KLHDC1: variants seen among roughly 807,000 people sequenced by gnomAD.
The protein encoded by KLHDC1 is kelch domain containing 1, also known as kelch domain-containing protein 1.
Under a neutral mutation model 68.3 loss-of-function variants are expected in KLHDC1, and 53 were observed. That is an observed-to-expected ratio of 0.78 (90% CI 0.62 to 0.98). The LOEUF (loss-of-function observed/expected upper bound fraction) is 0.98, where lower values mean the gene tolerates loss of function less well. Among genes scored for constraint, KLHDC1 ranks in the 50% least tolerant of loss-of-function variants. The probability of loss-of-function intolerance (pLI) is 0.00; values close to 1 mark genes in which losing one functional copy is unlikely to be tolerated. For synonymous variants in KLHDC1, 148 were observed against 159.0 expected, an observed-to-expected ratio of 0.93 and a Z score of 0.52; for missense variants, 470 against 492.3, an observed-to-expected ratio of 0.95 and a Z score of 0.43.
chr14:49,728,668 T>C (rs1239114131), intron 6 of KLHDC1, among the ~76,000 whole-genome samples: 1 of 152,216 alleles, frequency 6.6e-6, no homozygotes, highest in Non-Finnish European at 1.5e-5. Flanking sequence ...ACATGAAACC[T>C]TATTTTGCTA....
intron 4 of KLHDC1, among the ~76,000 whole-genome samples, chr14:49,714,833 CATA>C (rs1007667800): frequency 2.5e-5 from 3 of 121,728 alleles, no homozygotes; most frequent in Non-Finnish European, 5.0e-5. Flanking sequence ...ATACTTAACA[CATA>C]GTATATATAA....
chr14:49,720,601 T>A (rs570311229), intron 4 of KLHDC1, among the ~76,000 whole-genome samples: 11 of 152,252 alleles, frequency 7.2e-5, no homozygotes, highest in Admixed American at 2.0e-4. Context: ...CTTGGGTTTG[T>A]AGGTTGATAG....
At chr14:49,739,681 A>T (rs2139764887) in intron 10 of KLHDC1, among the ~76,000 whole-genome samples, 1 of 152,294 alleles carries the variant, frequency 6.6e-6, no homozygotes, top group East Asian at 1.9e-4. Context: ...TTCCTTTTTA[A>T]TTTATTTCAC....
chr14:49,737,994 T>C (rs1370859771), intron 10 of KLHDC1, among the ~76,000 whole-genome samples: 2 of 152,216 alleles, frequency 1.3e-5, no homozygotes, highest in South Asian at 2.1e-4. Context: ...TCTGGAAATA[T>C]TCAACTTTGT....
intron 1 of KLHDC1, among the ~76,000 whole-genome samples, chr14:49,705,526 A>G (rs1888028708): frequency 6.6e-6 from 1 of 150,622 alleles, no homozygotes; most frequent in South Asian, 2.1e-4. Flanking sequence ...CCGCCACCAC[A>G]CCTGGCTAAT....
chr14:49,737,782 T>C (rs997456540), intron 10 of KLHDC1, among the ~76,000 whole-genome samples: 2 of 150,084 alleles, frequency 1.3e-5, no homozygotes, highest in African/African-American at 4.9e-5. Flanking sequence ...GGAGGATCAC[T>C]TGAGCCTGGG....
chr14:49,751,656 CT>C lies in KLHDC1; in HGVS notation c.1107del (p.Leu370CysfsTer8). On this transcript the variant is annotated frameshift_variant, in exon 13 of 13. Coordinates refer to ENST00000359332, the MANE Select transcript of KLHDC1 (RefSeq NM_172193.3). LOFTEE classifies it high-confidence loss of function. ...TCAGATATCTTTATTACCTCCTAAA[CT>C]TCTGCAACAAGTACTCAAAAAAATA... ...ESQISLLPPKLLQQVLKKITF... is the reference protein window; with the variant it reads ...ESQISLLPPKXLQQVLKKITF... 6.2e-7 allele frequency: 1 copy of C among 1,605,110 alleles called. No individual in the cohort carries two copies. The highest frequency in any genetic ancestry group is 2.2e-5 in the East Asian group (1 of 44,506).
chr14:49,710,362 T>G lies in KLHDC1; in HGVS notation c.385T>G (p.Cys129Gly). ...ACCTACACCACGTGATAAACTTTCCTGCTGGGTATATAAAGACAGGTAATG... is the reference window on the plus strand; with the variant it reads ...ACCTACACCACGTGATAAACTTTCCGGCTGGGTATATAAAGACAGGTAATG... ...QPPTPRDKLSCWVYKDRLIYF... is the reference protein window; with the variant it reads ...QPPTPRDKLSGWVYKDRLIYF... Residue 129 changes from cysteine (C) to glycine (G), a missense_variant, in exon 4 of 13, where the codon TGC (cysteine) becomes GGC (glycine). Coordinates refer to ENST00000359332, the MANE Select transcript of KLHDC1 (RefSeq NM_172193.3). 6.3e-7 allele frequency: 1 copy of G among 1,597,278 alleles called. No individual in the cohort carries two copies. The highest frequency in any genetic ancestry group is 8.6e-7 in the Non-Finnish European group (1 of 1,165,048).
chr14:49,711,898 TTTTTTC>T (rs1252613568), intron 4 of KLHDC1, among the ~76,000 whole-genome samples: 1 of 150,248 alleles, frequency 6.7e-6, no homozygotes, highest in Non-Finnish European at 1.5e-5. Flanking sequence ...TATGTCTTTC[TTTTTTC>T]TTTTTCTTTT....
intron 1 of KLHDC1, among the ~76,000 whole-genome samples, chr14:49,699,475 T>A (rs1314386546): frequency 6.6e-6 from 1 of 151,900 alleles, no homozygotes; most frequent in East Asian, 1.9e-4. Context: ...AGAATTCTTC[T>A]AACAATTATC....
At chr14:49,705,257 T>C (rs2139733851) in intron 1 of KLHDC1, among the ~76,000 whole-genome samples, 1 of 151,544 alleles carries the variant, frequency 6.6e-6, no homozygotes, top group East Asian at 1.9e-4. Context: ...GCAGCTACCA[T>C]ATAATACAGA....
At chr14:49,740,875 A>G (rs1278069967) in intron 11 of KLHDC1, among the ~76,000 whole-genome samples, 2 of 152,034 alleles carry the variant, frequency 1.3e-5, no homozygotes, top group African/African-American at 4.8e-5. Context: ...CAGGCAAATC[A>G]CTTGAGGCCA....
chr14:49,733,261 T>C (rs1888857930), intron 9 of KLHDC1, among the ~76,000 whole-genome samples: 1 of 152,060 alleles, frequency 6.6e-6, no homozygotes, highest in Non-Finnish European at 1.5e-5. Flanking sequence ...GAGGAAAGTG[T>C]TTAGCTAGGT....
At chr14:49,693,563 T>G (rs568707328) in intron 1 of KLHDC1, among the ~76,000 whole-genome samples, 1 of 151,746 alleles carries the variant, frequency 6.6e-6, no homozygotes, top group East Asian at 1.9e-4. Flanking sequence ...GTAACCACGG[T>G]TTGCCCAATG....
chr14:49,707,065 A>G (rs76443749), intron 1 of KLHDC1, among the ~76,000 whole-genome samples: 1,913 of 152,222 alleles, frequency 0.013, 15 homozygotes, highest in Non-Finnish European at 0.019. Context: ...GCCCAGACCA[A>G]TGTCCTGGTG....
Position 49,715,281 on chromosome 14 carries a change from C to T in KLHDC1, c.404+4900C>T, listed in dbSNP as rs537545761. Among the ~76,000 whole-genome samples, 5 of 151,036 alleles carry T rather than the reference C, an allele frequency of 3.3e-5. No individual in the cohort carries two copies. The South Asian group carries it at 8.3e-4, about 25-fold the overall frequency. ...GGGATTACAGGCACACACCACCACACCCAGCTAATTTTTGTATTTTTAGTA... is the reference window on the plus strand; with the variant it reads ...GGGATTACAGGCACACACCACCACATCCAGCTAATTTTTGTATTTTTAGTA... On this transcript the variant is annotated intron_variant, in intron 4 of 12. Coordinates refer to ENST00000359332, the MANE Select transcript of KLHDC1 (RefSeq NM_172193.3).
chr14:49,696,067 GA>G (rs879851434), intron 1 of KLHDC1, among the ~76,000 whole-genome samples: 14,127 of 113,514 alleles, frequency 0.12, 819 homozygotes, highest in Admixed American at 0.26. Context: ...CTCTGTCTCA[GA>G]AAAAAAAAAA....
At chr14:49,737,859 T>C (rs1345872701) in intron 10 of KLHDC1, among the ~76,000 whole-genome samples, 1 of 129,624 alleles carries the variant, frequency 7.7e-6, no homozygotes, top group Non-Finnish European at 1.6e-5. Flanking sequence ...AGCCAGATCC[T>C]GTCTCAAAAA....
intron 5 of KLHDC1, 158 bp from the exon 6 acceptor site, chr14:49,725,528 G>T (rs1271648846): frequency 1.9e-6 from 1 of 531,294 alleles, no homozygotes; most frequent in Non-Finnish European, 3.3e-6. Context: ...ACCACGCTTT[G>T]GGAGGTACCC....
Sources: gnomAD v4.1 joint callset for allele counts (sites outside exome capture counted in the v4.1 genomes callset) on GRCh38, gnomAD v4.1.1 for gene constraint, MANE v1.5 for transcripts, NCBI Gene and HGNC (gene_info 2026-07-23, HGNC 2026-07-21) for gene names.